The following CR1 variants were observed in gnomAD, a reference collection of about 807,000 sequenced individuals.
CR1 encodes the protein complement receptor type 1.
Under a neutral mutation model 187.3 loss-of-function variants are expected in CR1, and 116 were observed. The ratio of observed to expected loss-of-function variants is 0.62; its 90% CI spans 0.53 to 0.72. CR1 has a LOEUF of 0.72. Ranked by LOEUF, CR1 falls within the 30% of genes least tolerant of loss-of-function variation. CR1 has a pLI of 0.00. For missense variants in CR1, 1,731 were observed against 2,110.7 expected (o/e 0.82, Z 3.52); for synonymous variants, 576 against 747.1 (o/e 0.77, Z 3.73).
At chr1:207,507,922 T>C (rs556897596) in intron 3 of CR1, among the ~76,000 whole-genome samples, 29 of 152,258 alleles carry the variant, frequency 1.9e-4, no homozygotes, top group African/African-American at 6.3e-4. Flanking sequence ...CTGTGGTACA[T>C]CCATACAATA....
At chr1:207,583,322 A>G (rs1661017319) in intron 32 of CR1, among the ~76,000 whole-genome samples, 1 of 152,234 alleles carries the variant, frequency 6.6e-6, no homozygotes, top group Admixed American at 6.5e-5. Context: ...CTTGGAGGTA[A>G]CAAGTGGAAG....
At chr1:207,610,279 A>G (rs954163281) in intron 37 of CR1, among the ~76,000 whole-genome samples, 2 of 152,282 alleles carry the variant, frequency 1.3e-5, no homozygotes, top group African/African-American at 4.8e-5. Context: ...ATATAATTAT[A>G]TATTGTTCAG....
At chr1:207,586,989 C>A (rs942499841) in intron 33 of CR1, among the ~76,000 whole-genome samples, 1 of 152,114 alleles carries the variant, frequency 6.6e-6, no homozygotes, top group Non-Finnish European at 1.5e-5. Context: ...ATGATGGGCA[C>A]CCTGAGAATG....
chr1:207,620,108 T>C, intron 43 of CR1, 43 bp downstream of exon 43: 1 of 1,566,720 alleles, frequency 6.4e-7, no homozygotes, highest in Admixed American at 1.9e-5. Flanking sequence ...CCGGTCATGG[T>C]TATTGCTCAT....
intron 5 of CR1, among the ~76,000 whole-genome samples, chr1:207,524,275 G>A (rs1202870606): frequency 6.6e-6 from 1 of 152,042 alleles, no homozygotes; most frequent in African/African-American, 2.4e-5. Context: ...TATAATAATG[G>A]TTGATACAAA....
chr1:207,593,497 A>G (rs906879175), intron 35 of CR1, among the ~76,000 whole-genome samples: 7 of 152,252 alleles, frequency 4.6e-5, no homozygotes, highest in Admixed American at 1.3e-4. Flanking sequence ...ACCTAAAACT[A>G]TAAAAACCCT....
chr1:207,613,359 C>G (rs997474558), intron 39 of CR1, among the ~76,000 whole-genome samples: 1 of 152,124 alleles, frequency 6.6e-6, no homozygotes, highest in African/African-American at 2.4e-5. Flanking sequence ...AAAACAAAGA[C>G]ACCACTCAAA....
chr1:207,523,705 C>T lies in CR1; in HGVS notation c.582C>T (p.Arg194=). 2 of 1,613,462 alleles carry T rather than the reference C, an allele frequency of 1.2e-6. No individual in the cohort carries two copies. The highest frequency in any genetic ancestry group is 1.7e-6 in the Non-Finnish European group (2 of 1,179,898). ...NFHYGSVVTY[R]CNPGSGGRKV... is the part of the protein sequence containing the mutation. The stretch of plus-strand genomic sequence containing the variant: ...ACTATGGATCAGTGGTGACCTACCG[C>T]TGCAATCCTGGAAGCGGAGGGAGAA... Residue 194 remains arginine, a synonymous_variant, in exon 5 of 47, where the codon CGC becomes CGT. Transcript: ENST00000367049.
intron 23 of CR1, among the ~76,000 whole-genome samples, chr1:207,564,942 A>C (rs544251247): frequency 6.6e-6 from 1 of 150,492 alleles, no homozygotes; most frequent in Non-Finnish European, 1.5e-5. Flanking sequence ...AACCATCAAC[A>C]GTGAAATTTG....
rs747792167 is a variant in CR1, at chr1:207,617,577, GTATATATA to G, written c.6890-465_6890-458del. On this transcript the variant is annotated intron_variant, in intron 41 of 46. Transcript: ENST00000367049. ...TATATGTGTATATATATGTGTGTGTGTATATATATATATATATATATATATATATATAT... is the reference window on the plus strand; with the variant it reads ...TATATGTGTATATATATGTGTGTGTGTATATATATATATATATATATATAT... Among the ~76,000 whole-genome samples the G allele has an allele frequency of 4.7e-3, 222 of 47,126 alleles. 1 individual carries two copies. Among genetic ancestry groups the G allele is most frequent in the Non-Finnish European group, 5.9e-3 (147 of 24,730 alleles). The allele number at this position is 47,126 out of a possible 152,430, so 30.9% of individuals were successfully genotyped here.
At position 207,639,467 on chromosome 1, in the gene CR1, A is replaced by G; in HGVS notation, c.*58A>G. On this transcript the variant is annotated 3_prime_UTR_variant, in exon 47 of 47. Transcript: ENST00000367049. Reference sequence around the variant, plus strand: ...TACAATTTTGGTGGGAAAGGAGCCAATTGATTTCAACAGAATCAGATCTGA... The same window carrying G: ...TACAATTTTGGTGGGAAAGGAGCCAGTTGATTTCAACAGAATCAGATCTGA... The G allele has an allele frequency of 2.0e-6, 3 of 1,504,932 alleles. No homozygotes were observed. The highest frequency in any genetic ancestry group is 1.4e-5 in the African/African-American group (1 of 72,730). The allele number at this position is 1,504,932 out of a possible 1,614,324, so 93.2% of individuals were successfully genotyped here.
chr1:207,580,761 G>A, intron 31 of CR1, 148 bp downstream of exon 31: 1 of 752,164 alleles, frequency 1.3e-6, no homozygotes, highest in South Asian at 1.9e-5. Context: ...ATAAAGGTAG[G>A]GACTAAGTGG....
chr1:207,515,233 A>G (rs1342397691), intron 4 of CR1, among the ~76,000 whole-genome samples: 1 of 146,806 alleles, frequency 6.8e-6, no homozygotes, highest in Non-Finnish European at 1.5e-5. Context: ...ATATACGTAT[A>G]TATACATATA....
chr1:207,496,259 T>C lies in CR1; in HGVS notation c.-9T>C, dbSNP rs778743380. On this transcript the variant is annotated 5_prime_UTR_variant, in exon 1 of 47. Coordinates refer to ENST00000367049, the MANE Select transcript of CR1 (RefSeq NM_000651.6). ...GATCAAATCTGGTTTGTAGATGTGC[T>C]TGGGGAGAATGGGGGCCTCTTCTCC... The C allele has an allele frequency of 8.7e-6, 14 of 1,613,746 alleles. No homozygotes were observed. The East Asian group carries it at 8.9e-5, about 10-fold the overall frequency.
intron 5 of CR1, among the ~76,000 whole-genome samples, chr1:207,526,177 C>T (rs1440494530): frequency 6.6e-6 from 1 of 152,018 alleles, no homozygotes; most frequent in African/African-American, 2.4e-5. Flanking sequence ...CTAGGCAGCA[C>T]CTTGCTACAT....
chr1:207,574,750 T>G (rs1201349449), intron 27 of CR1, among the ~76,000 whole-genome samples: 2 of 152,100 alleles, frequency 1.3e-5, no homozygotes, highest in Admixed American at 1.3e-4. Context: ...ATTGAGAAAA[T>G]AGGTTTAAAT....
At chr1:207,509,222 A>C (rs548500597) in intron 3 of CR1, among the ~76,000 whole-genome samples, 2 of 152,330 alleles carry the variant, frequency 1.3e-5, no homozygotes, top group African/African-American at 4.8e-5. Flanking sequence ...GAGACTCCCA[A>C]AAGTCTAGAC....
At chr1:207,580,956 C>A (rs1407501378) in intron 31 of CR1, among the ~76,000 whole-genome samples, 1 of 152,056 alleles carries the variant, frequency 6.6e-6, no homozygotes, top group Non-Finnish European at 1.5e-5. Flanking sequence ...GATCCATGAA[C>A]AGAAGTTTAA....
intron 43 of CR1, among the ~76,000 whole-genome samples, chr1:207,621,200 G>C (rs978195484): frequency 2.0e-5 from 3 of 152,044 alleles, no homozygotes; most frequent in African/African-American, 7.2e-5. Flanking sequence ...GCTTGAACAC[G>C]GGAGGTGGAG....
Sources: gnomAD v4.1 joint callset for allele counts (sites outside exome capture counted in the v4.1 genomes callset) on GRCh38, gnomAD v4.1.1 for gene constraint, MANE v1.5 for transcripts, NCBI Gene and HGNC (gene_info 2026-07-23, HGNC 2026-07-21) for gene names.